The following PKHD1L1 variants were observed in gnomAD, a reference collection of about 807,000 sequenced individuals.
PKHD1L1 encodes the protein PKHD1 like 1.
In PKHD1L1, 434 loss-of-function variants were observed where a neutral mutation model predicts 462.9. The ratio of observed to expected loss-of-function variants is 0.94; its 90% CI spans 0.87 to 1.02. PKHD1L1 has a LOEUF of 1.02. Ranked by LOEUF, PKHD1L1 falls within the 50% of genes least tolerant of loss-of-function variation. PKHD1L1 has a pLI of 0.00. For missense variants in PKHD1L1, 5,202 were observed against 5,096.1 expected (o/e 1.02, Z -0.63); for synonymous variants, 1,781 against 1,750.0 (o/e 1.02, Z -0.44).
chr8:109,374,674 G>A (rs531471413), intron 2 of PKHD1L1, among the ~76,000 whole-genome samples: 1 of 152,176 alleles, frequency 6.6e-6, no homozygotes, highest in African/African-American at 2.4e-5. Context: ...CTTCCTTCAG[G>A]AGCTCTTTTA....
At chr8:109,367,482 A>G (rs1426438341) in intron 2 of PKHD1L1, among the ~76,000 whole-genome samples, 1 of 152,266 alleles carries the variant, frequency 6.6e-6, no homozygotes, top group Non-Finnish European at 1.5e-5. Flanking sequence ...TACCCAGTAG[A>G]AAGATCTACT....
At chr8:109,408,716 A>G (rs1308490811) in intron 18 of PKHD1L1, among the ~76,000 whole-genome samples, 2 of 152,218 alleles carry the variant, frequency 1.3e-5, no homozygotes, top group Non-Finnish European at 2.9e-5. Flanking sequence ...TTAAGACTTT[A>G]CCCAACAAAA....
At chr8:109,489,831 TA>T in intron 59 of PKHD1L1, 120 bp from the exon 60 acceptor site, 1 of 685,766 alleles carries the variant, frequency 1.5e-6, no homozygotes, top group Non-Finnish European at 2.6e-6. Context: ...TCTTCTGGAT[TA>T]AAGGAGCAAA....
At chr8:109,457,735 A>T (rs952987312) in intron 46 of PKHD1L1, among the ~76,000 whole-genome samples, 1 of 152,206 alleles carries the variant, frequency 6.6e-6, no homozygotes, top group Non-Finnish European at 1.5e-5. Flanking sequence ...GCTTATTAAC[A>T]CTTAGTGTTG....
intron 67 of PKHD1L1, among the ~76,000 whole-genome samples, chr8:109,502,533 G>A (rs1240384565): frequency 1.3e-5 from 2 of 152,182 alleles, no homozygotes; most frequent in Non-Finnish European, 2.9e-5. Context: ...CTTTGTTTCT[G>A]TCAGGGCCTT....
chr8:109,382,449 C>T lies in PKHD1L1; in HGVS notation c.309-14C>T, dbSNP rs1812173342. The T allele has an allele frequency of 1.9e-6, 3 of 1,588,222 alleles. No homozygotes were observed. The highest frequency in any genetic ancestry group is 2.6e-6 in the Non-Finnish European group (3 of 1,165,974). ...GGAATTGCATGTCTCATATATTCTT[C>T]ATTTTCTTTATAGAGCAATGCCGGA... On this transcript the variant is annotated splice_polypyrimidine_tract_variant and intron_variant, in intron 3 of 77. Coordinates refer to ENST00000378402, the MANE Select transcript of PKHD1L1 (RefSeq NM_177531.6).
In PKHD1L1 at chr8:109,400,273, T is replaced by C; in HGVS notation, c.1210T>C (p.Tyr404His). 1 of 1,613,606 alleles carries C rather than the reference T, an allele frequency of 6.2e-7. No homozygotes were observed. The highest frequency in any genetic ancestry group is 8.5e-7 in the Non-Finnish European group (1 of 1,179,588). Reference protein sequence around the residue: ...GFLVAPDSDVYRFYIKGDDRY... With the variant: ...GFLVAPDSDVHRFYIKGDDRY... ...TTTGGTGGCTCCAGATTCTGATGTT[T>C]ATAGATTCTACATCAAGGGTGATGA... The change falls in exon 13 of 78, where the codon TAT (tyrosine) becomes CAT (histidine). Residue 404 changes from tyrosine (Y) to histidine (H), a missense_variant. Around this residue, in one of 3 missense-constraint regions of PKHD1L1, gnomAD observed 4,497 missense variants for 4,336.8 expected, o/e 1.04. Transcript: ENST00000378402.
intron 37 of PKHD1L1, 84 bp downstream of exon 37, chr8:109,443,986 TA>T: frequency 2.5e-6 from 3 of 1,214,090 alleles, no homozygotes; most frequent in Non-Finnish European, 3.5e-6. Flanking sequence ...ATTTAATTTT[TA>T]CCAGCTTTAT....
chr8:109,409,585 A>G (rs1379770039), intron 18 of PKHD1L1, among the ~76,000 whole-genome samples: 1 of 152,206 alleles, frequency 6.6e-6, no homozygotes, highest in African/African-American at 2.4e-5. Flanking sequence ...CTCTTTAAAA[A>G]GGTACTAAAC....
intron 68 of PKHD1L1, 44 bp downstream of exon 68, chr8:109,504,536 T>C: frequency 8.5e-7 from 1 of 1,181,532 alleles, no homozygotes; most frequent in Non-Finnish European, 1.1e-6. Flanking sequence ...TTATAGTTTT[T>C]CATTCTCACT....
intron 36 of PKHD1L1, among the ~76,000 whole-genome samples, 175 bp from the exon 37 acceptor site, chr8:109,443,501 T>C (rs1815931713): frequency 6.6e-6 from 1 of 152,224 alleles, no homozygotes; most frequent in Admixed American, 6.5e-5. Flanking sequence ...GTGACATCTT[T>C]GATCAGGTCT....
chr8:109,454,247 G>T lies in PKHD1L1; in HGVS notation c.6744+1G>T. ...AATTACAGATGGAGGTGTTCTTCAG[G>T]TATTCAAAAGAACATAATACATATT... On this transcript the variant is annotated splice_donor_variant, in intron 44 of 77. Transcript: ENST00000378402. LOFTEE classifies it high-confidence loss of function. 1 of 1,589,372 alleles carries T rather than the reference G, an allele frequency of 6.3e-7. No homozygotes were observed. The highest frequency in any genetic ancestry group is 8.6e-7 in the Non-Finnish European group (1 of 1,165,030).
chr8:109,528,718 T>C (rs996174274), intron 77 of PKHD1L1, among the ~76,000 whole-genome samples: 1 of 152,228 alleles, frequency 6.6e-6, no homozygotes. Context: ...TTCTGTAATA[T>C]ACTTGTATTA....
At position 109,362,461 on chromosome 8, in the gene PKHD1L1, G is replaced by A; in HGVS notation, c.-120G>A. 1 of 1,028,086 alleles carries A rather than the reference G, an allele frequency of 9.7e-7. No individual in the cohort carries two copies. The highest frequency in any genetic ancestry group is 1.4e-6 in the Non-Finnish European group (1 of 690,132). 63.7% of individuals were successfully genotyped at this position (1,028,086 alleles called of 1,614,324 possible). A position where few individuals can be genotyped will look rare whatever the true frequency, so the allele number is the denominator to read the frequency against. On this transcript the variant is annotated 5_prime_UTR_variant, in exon 1 of 78. Coordinates refer to ENST00000378402, the MANE Select transcript of PKHD1L1 (RefSeq NM_177531.6). ...GGGCAGGCCACGGGAGGGCGGCCCA[G>A]TTCCCCAGCTCTCCCGGGACGAAGC...
intron 59 of PKHD1L1, among the ~76,000 whole-genome samples, chr8:109,489,020 C>T (rs944965373): frequency 4.6e-5 from 7 of 151,896 alleles, no homozygotes; most frequent in Non-Finnish European, 1.0e-4. Flanking sequence ...TGTTTTGTGA[C>T]GTGAGTAAAG....
chr8:109,367,835 T>C (rs551806750), intron 2 of PKHD1L1, among the ~76,000 whole-genome samples: 1 of 152,356 alleles, frequency 6.6e-6, no homozygotes, highest in African/African-American at 2.4e-5. Context: ...GCCAGGAGTT[T>C]AAGGCTGCAA....
chr8:109,437,315 T>G (rs1019634132), intron 30 of PKHD1L1, among the ~76,000 whole-genome samples: 3 of 152,226 alleles, frequency 2.0e-5, no homozygotes, highest in Non-Finnish European at 2.9e-5. Flanking sequence ...TGTCTTAGAA[T>G]CAATCATTAT....
intron 40 of PKHD1L1, among the ~76,000 whole-genome samples, chr8:109,450,014 A>G (rs1441968097): frequency 6.6e-6 from 1 of 152,216 alleles, no homozygotes; most frequent in Non-Finnish European, 1.5e-5. Context: ...CTAGGACCAT[A>G]TGTAATTTGC....
chr8:109,428,023 CAAAAAAAAA>C (rs55963339), intron 25 of PKHD1L1, among the ~76,000 whole-genome samples: 6 of 70,284 alleles, frequency 8.5e-5, no homozygotes, highest in South Asian at 7.6e-4. Flanking sequence ...AACTCCGTCT[CAAAAAAAAA>C]AAAAAAAAAA....
Sources: gnomAD v4.1 joint callset for allele counts (sites outside exome capture counted in the v4.1 genomes callset) on GRCh38, gnomAD v4.1.1 for gene constraint, gnomAD v4.1.1 regional missense constraint, MANE v1.5 for transcripts, NCBI Gene and HGNC (gene_info 2026-07-23, HGNC 2026-07-21) for gene names.